Variants in LSM14A observed in about 807,000 individuals in gnomAD.
LSM14A encodes the protein protein LSM14 homolog A.
A neutral mutation model predicts 52.4 loss-of-function variants in LSM14A; 14 were observed. The ratio of observed to expected loss-of-function variants is 0.27; its 90% CI spans 0.18 to 0.42. The LOEUF (loss-of-function observed/expected upper bound fraction) is 0.42. LSM14A is among the 10% of genes least tolerant of loss of function. The pLI, the probability that LSM14A is intolerant of heterozygous loss-of-function variation, is 1.00. For synonymous variants in LSM14A, 185 were observed against 200.3 expected (o/e 0.92, Z 0.64); for missense variants, 417 against 581.8 (o/e 0.72, Z 2.91).
At chr19:34,187,077 TA>T (rs112578311) in intron 1 of LSM14A, among the ~76,000 whole-genome samples, 134 of 145,704 alleles carry the variant, frequency 9.2e-4, no homozygotes, top group Middle Eastern at 3.4e-3. Flanking sequence ...GTCTCTAATT[TA>T]AAAAAAAAAA....
At chr19:34,209,560 AT>A (rs2071980903) in intron 4 of LSM14A, among the ~76,000 whole-genome samples, 1 of 152,180 alleles carries the variant, frequency 6.6e-6, no homozygotes, top group East Asian at 1.9e-4. Context: ...GAGCCTGAGG[AT>A]TTATATTTTA....
chr19:34,192,430 A>G (rs1485253995), intron 1 of LSM14A, among the ~76,000 whole-genome samples: 1 of 141,978 alleles, frequency 7.0e-6, no homozygotes, highest in Admixed American at 7.6e-5. Flanking sequence ...AGTTCAGCCA[A>G]TCCTCCCGCC....
chr19:34,209,058 T>C lies in LSM14A; in HGVS notation c.538+7T>C. ...AAAACACAGTTATCTCAAGGTAAGCTATCTCATCCCTAAAATATTTCCATT... is the reference window on the plus strand; with the variant it reads ...AAAACACAGTTATCTCAAGGTAAGCCATCTCATCCCTAAAATATTTCCATT... On this transcript the variant is annotated splice_region_variant and intron_variant, in intron 4 of 9. Coordinates refer to ENST00000544216, the MANE Select transcript of LSM14A (RefSeq NM_015578.4). The C allele has an allele frequency of 6.4e-7, 1 of 1,557,852 alleles. No homozygotes were observed. Among genetic ancestry groups the C allele is most frequent in the African/African-American group, 1.4e-5 (1 of 73,248 alleles).
At chr19:34,188,602 T>C (rs2070116413) in intron 1 of LSM14A, among the ~76,000 whole-genome samples, 1 of 152,200 alleles carries the variant, frequency 6.6e-6, no homozygotes, top group African/African-American at 2.4e-5. Flanking sequence ...AGGCATTAAG[T>C]AATCCCTCTT....
At chr19:34,208,885 A>G in intron 3 of LSM14A, 44 bp from the exon 4 acceptor site, 1 of 1,419,798 alleles carries the variant, frequency 7.0e-7, no homozygotes, top group Non-Finnish European at 9.5e-7. Context: ...ATAATGTCAA[A>G]CATTTTTTAA....
At chr19:34,208,823 G>T in intron 3 of LSM14A, 106 bp from the exon 4 acceptor site, 7 of 695,566 alleles carry the variant, frequency 1.0e-5, no homozygotes, top group Non-Finnish European at 1.6e-5. Context: ...ATGCTGGGGG[G>T]AGAGGTAGAC....
At chr19:34,205,940 A>G (rs1233301616) in intron 3 of LSM14A, among the ~76,000 whole-genome samples, 1 of 152,186 alleles carries the variant, frequency 6.6e-6, no homozygotes, top group East Asian at 1.9e-4. Flanking sequence ...TGCCAATACC[A>G]GGAATGAAAG....
chr19:34,187,393 C>G (rs1202533050), intron 1 of LSM14A, among the ~76,000 whole-genome samples: 1 of 152,024 alleles, frequency 6.6e-6, no homozygotes, highest in African/African-American at 2.4e-5. Context: ...ATTCTCATGC[C>G]TCAGCCTCCC....
At chr19:34,182,784 C>G (rs1365546447) in intron 1 of LSM14A, among the ~76,000 whole-genome samples, 1 of 147,314 alleles carries the variant, frequency 6.8e-6, no homozygotes, top group Non-Finnish European at 1.5e-5. Context: ...GCGGAGCTTG[C>G]AGTGAGCCAA....
intron 3 of LSM14A, among the ~76,000 whole-genome samples, chr19:34,197,863 T>A (rs1306798738): frequency 6.6e-6 from 1 of 152,146 alleles, no homozygotes; most frequent in African/African-American, 2.4e-5. Context: ...GAAACTATAA[T>A]GAGAATGTAT....
chr19:34,203,904 TAAAA>T (rs199861783), intron 3 of LSM14A, among the ~76,000 whole-genome samples: 93 of 126,084 alleles, frequency 7.4e-4, no homozygotes, highest in Admixed American at 3.3e-3. Context: ...AGACTGAATT[TAAAA>T]AAAAAAAAAA....
At chr19:34,196,967 G>T (rs946304526) in intron 3 of LSM14A, among the ~76,000 whole-genome samples, 2 of 150,894 alleles carry the variant, frequency 1.3e-5, no homozygotes, top group Non-Finnish European at 2.9e-5. Flanking sequence ...CTTTCACAGA[G>T]TAACATTTTT....
At position 34,227,395 on chromosome 19, in the gene LSM14A, A is replaced by C. The variant is rs777163691; in HGVS notation, c.*7A>C. On this transcript the variant is annotated 3_prime_UTR_variant, in exon 10 of 10. Transcript: ENST00000544216. ...CAACAAAGTTGCTGCATAGTCTACAAACAAGTCTCTGAAAATAGGTGAATT... is the reference window on the plus strand; with the variant it reads ...CAACAAAGTTGCTGCATAGTCTACACACAAGTCTCTGAAAATAGGTGAATT... The C allele has an allele frequency of 6.3e-7, 1 of 1,590,070 alleles. No homozygotes were observed.
intron 1 of LSM14A, among the ~76,000 whole-genome samples, chr19:34,184,826 TTTTTTGTTTTTTG>T (rs1167376519): frequency 6.6e-6 from 1 of 152,176 alleles, no homozygotes; most frequent in African/African-American, 2.4e-5. Flanking sequence ...CTGAGGGGGC[TTTTTTGTTTTTTG>T]TTTTTGTTTT....
chr19:34,176,446 A>G (rs956063772), intron 1 of LSM14A, among the ~76,000 whole-genome samples: 1 of 152,128 alleles, frequency 6.6e-6, no homozygotes, highest in South Asian at 2.1e-4. Flanking sequence ...CCCACCACCT[A>G]TATTTTCCCA....
chr19:34,174,269 G>A (rs1357355223), intron 1 of LSM14A, among the ~76,000 whole-genome samples: 1 of 152,174 alleles, frequency 6.6e-6, no homozygotes, highest in Non-Finnish European at 1.5e-5. Flanking sequence ...CTTTTTAATA[G>A]CCCTGGTGTT....
At chr19:34,218,488 C>T (rs2072836515) in intron 6 of LSM14A, among the ~76,000 whole-genome samples, 1 of 152,188 alleles carries the variant, frequency 6.6e-6, no homozygotes. Flanking sequence ...CCTCAGCAAA[C>T]AGCGCAAACC....
At chr19:34,197,519 A>G (rs1328153647) in intron 3 of LSM14A, among the ~76,000 whole-genome samples, 1 of 128,850 alleles carries the variant, frequency 7.8e-6, no homozygotes, top group Non-Finnish European at 1.5e-5. Context: ...GCTCACTGCA[A>G]CCTCCACCTC....
At chr19:34,194,763 A>C (rs1262912528) in intron 2 of LSM14A, 122 bp downstream of exon 2, 8 of 864,672 alleles carry the variant, frequency 9.3e-6, no homozygotes, top group African/African-American at 1.7e-5. Context: ...GGATACCTGA[A>C]ATTACTGGAT....
Sources: allele counts gnomAD v4.1 joint callset (sites outside exome capture counted in the v4.1 genomes callset), GRCh38; gene constraint gnomAD v4.1.1; transcripts MANE v1.5; gene names NCBI Gene and HGNC (gene_info 2026-07-23, HGNC 2026-07-21).